KIAA1328: variants seen among roughly 807,000 people sequenced by gnomAD.
KIAA1328 encodes KIAA1328, also known as protein hinderin.
KIAA1328 carries 52 observed loss-of-function variants against 68.1 expected under a neutral mutation model. That is an observed-to-expected ratio of 0.76 (90% CI 0.61 to 0.96). The LOEUF is 0.96. KIAA1328 is among the 40% of genes least tolerant of loss of function. KIAA1328 has a pLI of 0.00. For synonymous variants in KIAA1328, 232 were observed against 239.4 expected, an observed-to-expected ratio of 0.97 and a Z score of 0.28; for missense variants, 641 against 677.6, an observed-to-expected ratio of 0.95 and a Z score of 0.60.
chr18:36,927,845 G>T (rs372113683), intron 5 of KIAA1328, among the ~76,000 whole-genome samples: 1 of 150,850 alleles, frequency 6.6e-6, no homozygotes, highest in Non-Finnish European at 1.5e-5. Flanking sequence ...AAGAAGGAAG[G>T]GAGGGAGGAA....
intron 7 of KIAA1328, among the ~76,000 whole-genome samples, chr18:37,093,827 G>GT (rs1219857913): frequency 6.6e-6 from 1 of 152,104 alleles, no homozygotes; most frequent in Non-Finnish European, 1.5e-5. Context: ...ACCCAAAATG[G>GT]TTTTTCCCAA....
chr18:36,847,401 A>G (rs1160064633), intron 4 of KIAA1328, among the ~76,000 whole-genome samples: 1 of 151,480 alleles, frequency 6.6e-6, no homozygotes, highest in African/African-American at 2.4e-5. Flanking sequence ...CTGTATACTC[A>G]CCAACTCTTG....
At chr18:37,136,358 A>G (rs1035192009) in intron 7 of KIAA1328, among the ~76,000 whole-genome samples, 2 of 152,164 alleles carry the variant, frequency 1.3e-5, no homozygotes, top group Non-Finnish European at 2.9e-5. Context: ...TTTGCAAGAT[A>G]TTTTTTGGCA....
intron 7 of KIAA1328, among the ~76,000 whole-genome samples, chr18:37,157,580 A>C (rs1245925303): frequency 1.3e-5 from 2 of 151,946 alleles, no homozygotes; most frequent in South Asian, 4.2e-4. Context: ...TGGGAGGCCG[A>C]GTGGGCAGAT....
intron 6 of KIAA1328, among the ~76,000 whole-genome samples, chr18:36,963,764 C>CT (rs2051798324): frequency 6.6e-6 from 1 of 152,106 alleles, no homozygotes; most frequent in Non-Finnish European, 1.5e-5. Context: ...GTAATGTCAC[C>CT]TTTTTTGTTA....
chr18:36,961,743 T>A (rs2151280693), intron 6 of KIAA1328, among the ~76,000 whole-genome samples: 1 of 152,150 alleles, frequency 6.6e-6, no homozygotes, highest in East Asian at 1.9e-4. Context: ...GGAAATAAAA[T>A]CCTTCACAGA....
At chr18:36,992,920 A>C (rs909103812) in intron 6 of KIAA1328, among the ~76,000 whole-genome samples, 1 of 152,178 alleles carries the variant, frequency 6.6e-6, no homozygotes, top group East Asian at 1.9e-4. Context: ...CCTGGGCAGC[A>C]TGGTGAAACC....
At chr18:37,024,405 T>C (rs1355573169) in intron 6 of KIAA1328, among the ~76,000 whole-genome samples, 2 of 150,262 alleles carry the variant, frequency 1.3e-5, no homozygotes, top group East Asian at 3.9e-4. Context: ...TACTTTAAGT[T>C]CTAGGGCACA....
chr18:37,022,997 T>G (rs1473220935), intron 6 of KIAA1328, among the ~76,000 whole-genome samples: 3 of 152,204 alleles, frequency 2.0e-5, no homozygotes, highest in Non-Finnish European at 4.4e-5. Context: ...TGCTAACATC[T>G]TATAAACAAT....
At chr18:36,865,987 C>T (rs1025140469) in intron 4 of KIAA1328, among the ~76,000 whole-genome samples, 5 of 152,304 alleles carry the variant, frequency 3.3e-5, no homozygotes, top group African/African-American at 9.6e-5. Context: ...TAACCCTGCT[C>T]TCTGCCTGGG....
intron 6 of KIAA1328, among the ~76,000 whole-genome samples, chr18:36,996,181 T>G (rs894072596): frequency 2.0e-5 from 3 of 152,206 alleles, no homozygotes; most frequent in Non-Finnish European, 2.9e-5. Flanking sequence ...TCTACCCTGT[T>G]AGACTCATAA....
intron 9 of KIAA1328, among the ~76,000 whole-genome samples, chr18:37,175,709 G>T (rs919508383): frequency 6.6e-6 from 1 of 152,122 alleles, no homozygotes; most frequent in East Asian, 1.9e-4. Context: ...GTGTAGAAAA[G>T]ACATTTTTTT....
intron 4 of KIAA1328, among the ~76,000 whole-genome samples, chr18:36,854,676 C>T (rs1270704428): frequency 6.6e-6 from 1 of 152,038 alleles, no homozygotes; most frequent in Non-Finnish European, 1.5e-5. Context: ...GTTAAGTTCA[C>T]ATAATGTTAA....
chr18:37,099,157 T>C (rs2057515726), intron 7 of KIAA1328, among the ~76,000 whole-genome samples: 2 of 152,216 alleles, frequency 1.3e-5, no homozygotes, highest in South Asian at 2.1e-4. Flanking sequence ...GTTCTTTTAA[T>C]TGTGATGTTA....
At chr18:36,850,449 C>G (rs2047175357) in intron 4 of KIAA1328, among the ~76,000 whole-genome samples, 1 of 151,952 alleles carries the variant, frequency 6.6e-6, no homozygotes, top group Admixed American at 6.6e-5. Context: ...GAATATGTTC[C>G]AAGACCTTCA....
At chr18:36,850,509 T>C (rs2047177525) in intron 4 of KIAA1328, among the ~76,000 whole-genome samples, 1 of 152,148 alleles carries the variant, frequency 6.6e-6, no homozygotes, top group South Asian at 2.1e-4. Flanking sequence ...ATATATTTTT[T>C]CCTATACTTA....
intron 7 of KIAA1328, among the ~76,000 whole-genome samples, chr18:37,107,854 A>T (rs1015667611): frequency 7.5e-6 from 1 of 133,558 alleles, no homozygotes; most frequent in African/African-American, 3.4e-5. Context: ...CAGAATGGCT[A>T]TTATTAAAAG....
chr18:37,027,271 A>G (rs1426533031), intron 6 of KIAA1328, among the ~76,000 whole-genome samples: 1 of 152,218 alleles, frequency 6.6e-6, no homozygotes, highest in Non-Finnish European at 1.5e-5. Flanking sequence ...AAGAATCAAT[A>G]TAGTGAAAAT....
At chr18:37,136,948 A>G (rs2154207189) in intron 7 of KIAA1328, among the ~76,000 whole-genome samples, 1 of 152,340 alleles carries the variant, frequency 6.6e-6, no homozygotes, top group Admixed American at 6.5e-5. Context: ...TTTATTTAGT[A>G]TAGCTTCATC....
Sources: allele counts gnomAD v4.1 joint callset (sites outside exome capture counted in the v4.1 genomes callset), GRCh38; gene constraint gnomAD v4.1.1; transcripts MANE v1.5; gene names NCBI Gene and HGNC (gene_info 2026-07-23, HGNC 2026-07-21).